ATP8B3: variants seen among roughly 807,000 people sequenced by gnomAD.
The protein encoded by ATP8B3 is phospholipid-transporting ATPase IK.
In ATP8B3, 141 loss-of-function variants were observed where a neutral mutation model predicts 140.9. That is an observed-to-expected ratio of 1.00 (90% CI 0.87 to 1.15). The LOEUF (loss-of-function observed/expected upper bound fraction) is 1.15, where lower values mean the gene tolerates loss of function less well. Among genes scored for constraint, ATP8B3 ranks in the 50% most tolerant of loss-of-function variants. The pLI is 0.00. For missense variants in ATP8B3, 1,874 were observed against 1,740.6 expected (o/e 1.08, Z -1.36); for synonymous variants, 765 against 714.6 (o/e 1.07, Z -1.13).
At position 1,801,677 on chromosome 19, in the gene ATP8B3, G is replaced by A. The variant is rs374486864; in HGVS notation, c.1152+279C>T. On this transcript the variant is annotated intron_variant, in intron 12 of 28. Coordinates refer to ENST00000310127, the MANE Select transcript of ATP8B3 (RefSeq NM_138813.4). The stretch of plus-strand genomic sequence containing the variant: ...TGAGGCAGGAGACTTGCTTGAACCC[G>A]GGAGGCAGAGGTTGCAGTGAGCCAA... Among the ~76,000 whole-genome samples the A allele has an allele frequency of 6.5e-3, 994 of 152,168 alleles. 3 individuals are homozygous for A. Among genetic ancestry groups the A allele is most frequent in the Non-Finnish European group, 0.011 (725 of 67,996 alleles).
rs138454953 is a variant in ATP8B3 at position 1,797,403 on chromosome 19, G to A, written c.1553-398C>T. On this transcript the variant is annotated intron_variant, in intron 14 of 28. Coordinates refer to ENST00000310127, the MANE Select transcript of ATP8B3 (RefSeq NM_138813.4). ...GGACCCCAAAAGGACAGCCTGGAGC[G>A]GGATGCAGCCCCATCCGTGGGACAC... is the stretch of plus-strand genomic sequence containing the variant. Among the ~76,000 whole-genome samples the A allele has an allele frequency of 7.1e-3, 1,086 of 152,168 alleles. 12 individuals are homozygous for A. Among genetic ancestry groups the A allele is most frequent in the African/African-American group, 0.024 (1,009 of 41,490 alleles).
At chr19:1,799,861 G>T in intron 14 of ATP8B3, 86 bp downstream of exon 14, 1 of 1,327,672 alleles carries the variant, frequency 7.5e-7, no homozygotes, top group Non-Finnish European at 1.0e-6. Context: ...GCTGGGCATG[G>T]GGCCAGACGT....
chr19:1,806,488 G>A lies in ATP8B3; in HGVS notation c.677+140C>T. ...CGTCCCGGCCAAACGCCTAATGAAT[G>A]CAGGCCCGGTTCCTGTCGGACTCAA... On this transcript the variant is annotated intron_variant, in intron 7 of 28. Transcript: ENST00000310127. The surrounding 1 kb of genome is among the most constrained non-coding windows in gnomAD (Gnocchi z 5.6). 2.7e-6 allele frequency: 4 copies of A among 1,484,038 alleles called. No homozygotes were observed. Among genetic ancestry groups the A allele is most frequent in the Non-Finnish European group, 3.6e-6 (4 of 1,120,530 alleles). 91.9% of individuals were successfully genotyped at this position (1,484,038 alleles called of 1,614,324 possible). A position where few individuals can be genotyped will look rare whatever the true frequency, so the allele number is the denominator to read the frequency against.
chr19:1,784,508 C>T (rs561982785), intron 28 of ATP8B3, among the ~76,000 whole-genome samples: 6 of 152,134 alleles, frequency 3.9e-5, no homozygotes, highest in Non-Finnish European at 7.4e-5. Context: ...GCACAAGACC[C>T]TTCTCAAAAA....
chr19:1,809,945 G>A (rs780838633), intron 3 of ATP8B3, among the ~76,000 whole-genome samples: 7 of 152,226 alleles, frequency 4.6e-5, no homozygotes, highest in African/African-American at 7.2e-5. Context: ...AGTGGATTCC[G>A]AGAGTGGCCA....
chr19:1,797,920 T>G (rs940295224), intron 14 of ATP8B3, among the ~76,000 whole-genome samples: 6 of 152,014 alleles, frequency 3.9e-5, no homozygotes, highest in African/African-American at 1.2e-4. Context: ...TCTTCCCTCT[T>G]CAGCCTTCCA....
intron 14 of ATP8B3, 32 bp downstream of exon 14, chr19:1,799,915 C>A (rs1254032897): frequency 6.4e-7 from 1 of 1,558,784 alleles, no homozygotes; most frequent in Non-Finnish European, 8.7e-7. Context: ...AGATCGAGGA[C>A]CCAGCTGGGA....
intron 14 of ATP8B3, among the ~76,000 whole-genome samples, chr19:1,798,033 G>A (rs1242373977): frequency 4.0e-5 from 6 of 151,822 alleles, no homozygotes; most frequent in African/African-American, 1.2e-4. Context: ...GTGCAGTGGC[G>A]TGACCTTGGC....
rs752280913 is a variant in ATP8B3, at chr19:1,806,259, C to T, written c.678-90G>A. ...CAGAGGCACGGGATGACGGGGGGCCCGCAGCTGCAGTCCCCACCTCCGGGC... is the reference window on the plus strand; with the variant it reads ...CAGAGGCACGGGATGACGGGGGGCCTGCAGCTGCAGTCCCCACCTCCGGGC... On this transcript the variant is annotated intron_variant, in intron 7 of 28. Transcript: ENST00000310127. This position sits in a 1 kb window ranked among gnomAD's most constrained non-coding sequence, Gnocchi z 5.6. 7.3e-5 allele frequency: 111 copies of T among 1,527,036 alleles called. No individual in the cohort carries two copies. The highest frequency in any genetic ancestry group is 8.9e-5 in the Non-Finnish European group (101 of 1,140,540). The allele number at this position is 1,527,036 out of a possible 1,614,324, so 94.6% of individuals were successfully genotyped here. A position where few individuals can be genotyped will look rare whatever the true frequency, so the allele number is the denominator to read the frequency against.
chr19:1,799,889 A>G (rs751319935), intron 14 of ATP8B3, 58 bp downstream of exon 14: 19 of 1,498,544 alleles, frequency 1.3e-5, no homozygotes, highest in Middle Eastern at 1.7e-4. Flanking sequence ...GTTCTCAGGC[A>G]CCCTGAGCCC....
chr19:1,793,323 G>A (rs971937053), intron 18 of ATP8B3, among the ~76,000 whole-genome samples: 1 of 151,962 alleles, frequency 6.6e-6, no homozygotes, highest in East Asian at 1.9e-4. Flanking sequence ...GGCTGGTCTC[G>A]AACTCCAGAG....
At position 1,806,461 on chromosome 19, in the gene ATP8B3, C is replaced by G; in HGVS notation, c.677+167G>C. 6.8e-7 allele frequency: 1 copy of G among 1,463,088 alleles called. No homozygotes were observed. The highest frequency in any genetic ancestry group is 9.0e-7 in the Non-Finnish European group (1 of 1,112,250). The allele number at this position is 1,463,088 out of a possible 1,614,324, so 90.6% of individuals were successfully genotyped here. ...CGCCATCAGGGCCTCGGCCTCTGTCCTCGTCCCGGCCAAACGCCTAATGAA... is the reference window on the plus strand; with the variant it reads ...CGCCATCAGGGCCTCGGCCTCTGTCGTCGTCCCGGCCAAACGCCTAATGAA... On this transcript the variant is annotated intron_variant, in intron 7 of 28. Coordinates refer to ENST00000310127, the MANE Select transcript of ATP8B3 (RefSeq NM_138813.4). The surrounding 1 kb of genome is among the most constrained non-coding windows in gnomAD (Gnocchi z 5.6).
intron 18 of ATP8B3, among the ~76,000 whole-genome samples, 185 bp from the exon 19 acceptor site, chr19:1,792,320 C>G (rs1199940487): frequency 6.6e-6 from 1 of 152,238 alleles, no homozygotes; most frequent in Non-Finnish European, 1.5e-5. Context: ...TGGCTCACGC[C>G]TGCAATCCCA....
intron 25 of ATP8B3, 85 bp downstream of exon 25, chr19:1,787,016 GCT>G (rs2068327066): frequency 1.5e-6 from 2 of 1,313,642 alleles, no homozygotes; most frequent in African/African-American, 3.0e-5. Flanking sequence ...GGTCTCCCAG[GCT>G]CCCTCTCCCC....
chr19:1,800,675 A>G lies in ATP8B3; in HGVS notation c.1153-226T>C, dbSNP rs555367462. 6.9e-4 allele frequency among the ~76,000 whole-genome samples: 105 copies of G among 151,920 alleles called. No individual in the cohort carries two copies. The highest frequency in any genetic ancestry group is 2.4e-3 in the African/African-American group (97 of 41,264). Reference sequence around the variant, plus strand: ...TCTCGACGAAAAACTTAAAAAATAAATTAGTCAGGCATGGTGGCGCACACC... The same window carrying G: ...TCTCGACGAAAAACTTAAAAAATAAGTTAGTCAGGCATGGTGGCGCACACC... On this transcript the variant is annotated intron_variant, in intron 12 of 28. Transcript: ENST00000310127. This position sits in a 1 kb window ranked among gnomAD's most constrained non-coding sequence, Gnocchi z 4.4.
At chr19:1,795,629 G>A (rs2068640818) in intron 18 of ATP8B3, among the ~76,000 whole-genome samples, 1 of 152,094 alleles carries the variant, frequency 6.6e-6, no homozygotes. Context: ...GAGTTCAGCT[G>A]CCTCCCAGCC....
intron 27 of ATP8B3, 88 bp from the exon 28 acceptor site, chr19:1,785,034 G>C: frequency 6.6e-7 from 1 of 1,507,474 alleles, no homozygotes; most frequent in Non-Finnish European, 8.9e-7. Flanking sequence ...CTTTGTGCCT[G>C]GTCCATAAAG....
At position 1,806,484 on chromosome 19, in the gene ATP8B3, G is replaced by A; in HGVS notation, c.677+144C>T. 6.8e-7 allele frequency: 1 copy of A among 1,476,274 alleles called. No individual in the cohort carries two copies. The highest frequency in any genetic ancestry group is 9.0e-7 in the Non-Finnish European group (1 of 1,116,966). 91.4% of individuals were successfully genotyped at this position (1,476,274 alleles called of 1,614,324 possible). A position where few individuals can be genotyped will look rare whatever the true frequency, so the allele number is the denominator to read the frequency against. On this transcript the variant is annotated intron_variant, in intron 7 of 28. Transcript: ENST00000310127. This position sits in a 1 kb window ranked among gnomAD's most constrained non-coding sequence, Gnocchi z 5.6. The stretch of plus-strand genomic sequence containing the variant: ...TCCTCGTCCCGGCCAAACGCCTAAT[G>A]AATGCAGGCCCGGTTCCTGTCGGAC...
chr19:1,796,798 T>C lies in ATP8B3; in HGVS notation c.1666A>G (p.Asn556Asp). Residue 556 changes from asparagine to aspartate, a missense_variant, in exon 16 of 29, where the codon AAC becomes GAC. Physicochemically the swap from Asn to Asp is conservative, Grantham distance 23. Transcript: ENST00000310127. ...AACTCCCGCACGGCCTCGTCCCCGTTGGTCCGCACGAGGTGCAGCAGGGCC... is the reference window on the plus strand; with the variant it reads ...AACTCCCGCACGGCCTCGTCCCCGTCGGTCCGCACGAGGTGCAGCAGGGCC... Reference protein sequence around the residue: ...NAALLHLVRTNGDEAVREFWR... With the variant: ...NAALLHLVRTDGDEAVREFWR... 4 of 1,612,542 alleles carry C rather than the reference T, an allele frequency of 2.5e-6. No individual in the cohort carries two copies. The highest frequency in any genetic ancestry group is 3.4e-6 in the Non-Finnish European group (4 of 1,179,624).
Sources: allele counts gnomAD v4.1 joint callset (sites outside exome capture counted in the v4.1 genomes callset), GRCh38; gene constraint gnomAD v4.1.1; non-coding constraint Gnocchi (gnomAD v3.1); transcripts MANE v1.5; gene names NCBI Gene and HGNC (gene_info 2026-07-23, HGNC 2026-07-21).